Variants in PTPRR observed in about 807,000 individuals in gnomAD.
PTPRR encodes receptor-type tyrosine-protein phosphatase R.
In PTPRR, 38 loss-of-function variants were observed where a neutral mutation model predicts 77.2. The ratio of observed to expected loss-of-function variants is 0.49; its 90% CI spans 0.38 to 0.65. The LOEUF is 0.65. Among genes scored for constraint, PTPRR ranks in the 30% least tolerant of loss-of-function variants. PTPRR has a pLI of 0.00. For missense variants in PTPRR, 744 were observed against 799.2 expected, an observed-to-expected ratio of 0.93 and a Z score of 0.83; for synonymous variants, 299 against 283.1, an observed-to-expected ratio of 1.06 and a Z score of -0.57.
At chr12:70,784,177 G>A (rs901846070) in intron 2 of PTPRR, among the ~76,000 whole-genome samples, 1 of 152,202 alleles carries the variant, frequency 6.6e-6, no homozygotes, top group African/African-American at 2.4e-5. Flanking sequence ...TGGCCCAGGA[G>A]GGCGGGGCTT....
chr12:70,823,550 T>G (rs1892059026), intron 2 of PTPRR, among the ~76,000 whole-genome samples: 1 of 152,216 alleles, frequency 6.6e-6, no homozygotes, highest in Non-Finnish European at 1.5e-5. Context: ...TTTTGTTTTG[T>G]TTTTTAACAA....
chr12:70,736,193 C>T (rs1889855229), intron 6 of PTPRR, among the ~76,000 whole-genome samples: 1 of 152,120 alleles, frequency 6.6e-6, no homozygotes, highest in Admixed American at 6.5e-5. Flanking sequence ...AAAACTGAGA[C>T]AGACAATGTG....
At position 70,662,580 on chromosome 12, in the gene PTPRR, T is replaced by C. The variant is rs755639717; in HGVS notation, c.1523A>G (p.Lys508Arg). The C allele has an allele frequency of 7.4e-6, 12 of 1,611,166 alleles. No homozygotes were observed. The African/African-American group carries it at 1.6e-4, about 22-fold the overall frequency. ...CTCAACTTTTCCATATATCCCTCTCTTTTCCGGCCAGTATAGCACACATTT... is the reference window on the plus strand; with the variant it reads ...CTCAACTTTTCCATATATCCCTCTCCTTTCCGGCCAGTATAGCACACATTT... Reference protein sequence around the residue: ...NEKCVLYWPEKRGIYGKVEVL... With the variant: ...NEKCVLYWPERRGIYGKVEVL... The change falls in exon 11 of 14, where the codon AAG (lysine) becomes AGG (arginine). Residue 508 changes from lysine to arginine, a missense_variant. Physicochemically the swap from Lys to Arg is conservative, Grantham distance 26. Transcript: ENST00000283228.
intron 4 of PTPRR, among the ~76,000 whole-genome samples, chr12:70,759,635 G>C (rs1358483124): frequency 7.9e-6 from 1 of 125,940 alleles, no homozygotes; most frequent in East Asian, 2.5e-4. Flanking sequence ...GAGCCGAGAT[G>C]CACCACTGCA....
chr12:70,666,841 A>G (rs1887013544), intron 10 of PTPRR, among the ~76,000 whole-genome samples: 1 of 151,446 alleles, frequency 6.6e-6, no homozygotes, highest in East Asian at 1.9e-4. Flanking sequence ...ATAAACAAAC[A>G]CATTTGAATA....
At chr12:70,844,928 C>A (rs541156492) in intron 2 of PTPRR, among the ~76,000 whole-genome samples, 1 of 152,060 alleles carries the variant, frequency 6.6e-6, no homozygotes, top group Non-Finnish European at 1.5e-5. Context: ...ACAACAATAA[C>A]AAAAATAATA....
chr12:70,791,501 C>G (rs1257895453), intron 2 of PTPRR, among the ~76,000 whole-genome samples: 3 of 151,990 alleles, frequency 2.0e-5, no homozygotes, highest in African/African-American at 7.3e-5. Flanking sequence ...TATTTTTTTC[C>G]TTAGCACTTC....
At chr12:70,722,099 C>T (rs751027881) in intron 6 of PTPRR, among the ~76,000 whole-genome samples, 1 of 152,168 alleles carries the variant, frequency 6.6e-6, no homozygotes, top group Non-Finnish European at 1.5e-5. Flanking sequence ...TATGCGCCCC[C>T]CGTGGACGCT....
chr12:70,773,410 T>C (rs1481250136), intron 2 of PTPRR, among the ~76,000 whole-genome samples: 1 of 152,196 alleles, frequency 6.6e-6, no homozygotes, highest in Admixed American at 6.5e-5. Flanking sequence ...TTAGTAATTT[T>C]GCACATTTTC....
chr12:70,654,257 C>A (rs1886496077), intron 13 of PTPRR, among the ~76,000 whole-genome samples: 1 of 151,950 alleles, frequency 6.6e-6, no homozygotes. Flanking sequence ...GTGCTCAAAG[C>A]ATATTTGTTG....
intron 1 of PTPRR, among the ~76,000 whole-genome samples, chr12:70,908,094 T>C (rs1006925859): frequency 6.6e-5 from 10 of 152,250 alleles, no homozygotes; most frequent in Non-Finnish European, 1.2e-4. Context: ...ATAGCAGAGT[T>C]CTCCAGACAA....
chr12:70,647,175 GAAGA>G (rs1886231221), intron 13 of PTPRR, among the ~76,000 whole-genome samples: 1 of 151,386 alleles, frequency 6.6e-6, no homozygotes, highest in Non-Finnish European at 1.5e-5. Context: ...TGCTACTCAG[GAAGA>G]AAAAAAAGAG....
chr12:70,874,363 A>T (rs1893013277), intron 2 of PTPRR, among the ~76,000 whole-genome samples: 1 of 152,208 alleles, frequency 6.6e-6, no homozygotes, highest in African/African-American at 2.4e-5. Context: ...ATATTCAGAG[A>T]GAGTCAGGAA....
intron 2 of PTPRR, among the ~76,000 whole-genome samples, chr12:70,846,392 C>T (rs1228680324): frequency 1.3e-5 from 2 of 152,092 alleles, no homozygotes; most frequent in African/African-American, 4.8e-5. Flanking sequence ...AAATGTGGAG[C>T]CCTGAACGTA....
At chr12:70,770,447 T>A (rs1319762344) in intron 2 of PTPRR, among the ~76,000 whole-genome samples, 4 of 152,080 alleles carry the variant, frequency 2.6e-5, no homozygotes, top group Admixed American at 6.6e-5. Flanking sequence ...ATGCAAATCA[T>A]AACCACAATG....
At chr12:70,869,536 C>A (rs1010478283) in intron 2 of PTPRR, among the ~76,000 whole-genome samples, 2 of 152,178 alleles carry the variant, frequency 1.3e-5, no homozygotes, top group African/African-American at 4.8e-5. Context: ...TTCTTGGGAC[C>A]TGTGAATATT....
chr12:70,669,559 T>TACACACACACAC (rs566522694), intron 10 of PTPRR, among the ~76,000 whole-genome samples: 2,451 of 141,722 alleles, frequency 0.017, 38 homozygotes, highest in East Asian at 0.055. Context: ...ATATATGTTA[T>TACACACACACAC]ACACACACAC....
chr12:70,746,470 T>C (rs1890218171), intron 5 of PTPRR, among the ~76,000 whole-genome samples: 2 of 152,164 alleles, frequency 1.3e-5, no homozygotes, highest in South Asian at 4.1e-4. Context: ...GAGATATACA[T>C]CCAACATGGC....
chr12:70,754,356 GTTC>G, intron 4 of PTPRR, 55 bp from the exon 5 acceptor site: 1 of 1,603,762 alleles, frequency 6.2e-7, no homozygotes, highest in Non-Finnish European at 8.5e-7. Flanking sequence ...GAAAACTGGC[GTTC>G]TTATCAGACA....
Sources: gnomAD v4.1 joint callset for allele counts (sites outside exome capture counted in the v4.1 genomes callset) on GRCh38, gnomAD v4.1.1 for gene constraint, MANE v1.5 for transcripts, NCBI Gene and HGNC (gene_info 2026-07-23, HGNC 2026-07-21) for gene names.